WIPF3: variants seen among roughly 807,000 people sequenced by gnomAD.
The protein encoded by WIPF3 is WAS/WASL interacting protein family member 3, also known as WAS/WASL-interacting protein family member 3.
In WIPF3, 33 loss-of-function variants were observed where a neutral mutation model predicts 38.9. The observed-to-expected ratio is 0.85, with a 90% CI of 0.64 to 1.14. WIPF3 has a LOEUF of 1.14. Ranked by LOEUF, WIPF3 falls within the 50% of genes most tolerant of loss-of-function variation. WIPF3 has a pLI of 0.00. For missense variants in WIPF3, 711 were observed against 652.5 expected, an observed-to-expected ratio of 1.09 and a Z score of -0.98; for synonymous variants, 324 against 269.3, an observed-to-expected ratio of 1.20 and a Z score of -1.99.
chr7:29,902,145 C>T (rs913609775), intron 7 of WIPF3, among the ~76,000 whole-genome samples: 3 of 152,016 alleles, frequency 2.0e-5, no homozygotes, highest in Non-Finnish European at 4.4e-5. Context: ...ATTGCAGACC[C>T]CTGGCCTAGA....
At chr7:29,849,190 G>C (rs368226351) in intron 2 of WIPF3, among the ~76,000 whole-genome samples, 1 of 151,974 alleles carries the variant, frequency 6.6e-6, no homozygotes, top group Non-Finnish European at 1.5e-5. Context: ...GTGTTGTTTT[G>C]TTTTTAAGCT....
intron 1 of WIPF3, among the ~76,000 whole-genome samples, chr7:29,813,529 C>T (rs75736007): frequency 0.023 from 3,442 of 152,208 alleles, 65 homozygotes; most frequent in South Asian, 0.051. Context: ...TTTACTTGTC[C>T]GTAACTTATG....
chr7:29,822,996 T>C (rs1473293499), intron 1 of WIPF3, among the ~76,000 whole-genome samples: 1 of 152,212 alleles, frequency 6.6e-6, no homozygotes, highest in African/African-American at 2.4e-5. Flanking sequence ...AAAATTACAT[T>C]TGGAAAAACT....
intron 1 of WIPF3, among the ~76,000 whole-genome samples, chr7:29,829,994 C>T (rs962883452): frequency 8.5e-5 from 13 of 152,152 alleles, no homozygotes; most frequent in African/African-American, 3.1e-4. Context: ...GAACACAAAG[C>T]CTCGAAGAGC....
chr7:29,884,608 C>G lies in WIPF3; in HGVS notation c.1099+15C>G. ...TGGCCGACCAGGTAAGGAGCGCTGC[C>G]TGGCCCAGTGCCCCTGGTGGAGTGC... On this transcript the variant is annotated intron_variant, in intron 5 of 8. Coordinates refer to ENST00000242140, the MANE Select transcript of WIPF3 (RefSeq NM_001080529.3). 6.3e-7 allele frequency: 1 copy of G among 1,595,624 alleles called. No homozygotes were observed. Among genetic ancestry groups the G allele is most frequent in the Non-Finnish European group, 8.5e-7 (1 of 1,172,888 alleles).
intron 2 of WIPF3, among the ~76,000 whole-genome samples, chr7:29,847,542 T>C (rs1437367808): frequency 1.3e-5 from 2 of 152,010 alleles, no homozygotes; most frequent in Non-Finnish European, 2.9e-5. Flanking sequence ...TTGAACAGAG[T>C]ATTGACAGCC....
chr7:29,876,962 G>A (rs1200720531), intron 3 of WIPF3, among the ~76,000 whole-genome samples: 2 of 151,986 alleles, frequency 1.3e-5, no homozygotes, highest in Non-Finnish European at 2.9e-5. Context: ...GTCGATTGTT[G>A]AAAGTTGAAA....
chr7:29,815,967 C>G (rs1273344153), intron 1 of WIPF3, among the ~76,000 whole-genome samples: 2 of 152,198 alleles, frequency 1.3e-5, no homozygotes, highest in African/African-American at 2.4e-5. Flanking sequence ...GAGTCCTACT[C>G]TCGATGGCTC....
At chr7:29,840,460 A>C (rs1784896039) in intron 2 of WIPF3, among the ~76,000 whole-genome samples, 1 of 152,158 alleles carries the variant, frequency 6.6e-6, no homozygotes, top group South Asian at 2.1e-4. Flanking sequence ...TAACTTTTTT[A>C]AAAATTTGAC....
intron 1 of WIPF3, among the ~76,000 whole-genome samples, chr7:29,834,015 C>T (rs1784760940): frequency 1.3e-5 from 2 of 152,080 alleles, no homozygotes; most frequent in African/African-American, 2.4e-5. Flanking sequence ...AGAATCATGC[C>T]AAAAAGCCCC....
At chr7:29,831,378 T>C (rs551669199) in intron 1 of WIPF3, among the ~76,000 whole-genome samples, 1 of 152,286 alleles carries the variant, frequency 6.6e-6, no homozygotes, top group Non-Finnish European at 1.5e-5. Context: ...CTTTACTCAG[T>C]CTGCAGATTC....
In WIPF3 at chr7:29,884,264, T is replaced by TTA; in HGVS notation, c.770_771insTA (p.Pro258ThrfsTer117). On this transcript the variant is annotated frameshift_variant, in exon 5 of 9. Transcript: ENST00000242140. LOFTEE classifies it high-confidence loss of function. ...AAGCCTCAGCTGGCTCCCTTGCACC[T>TTA]CCCGCCCATCCCGCCCCCGCTCCCT... 1 of 1,315,278 alleles carries TTA rather than the reference T, an allele frequency of 7.6e-7. No homozygotes were observed. The highest frequency in any genetic ancestry group is 1.0e-6 in the Non-Finnish European group (1 of 992,702). The allele number at this position is 1,315,278 out of a possible 1,614,324, so 81.5% of individuals were successfully genotyped here.
intron 2 of WIPF3, among the ~76,000 whole-genome samples, chr7:29,875,459 G>T (rs1262623375): frequency 6.6e-6 from 1 of 152,114 alleles, no homozygotes; most frequent in African/African-American, 2.4e-5. Context: ...GGGGACCTGG[G>T]GCACCAAGCA....
chr7:29,812,111 T>G (rs1375826873), intron 1 of WIPF3, among the ~76,000 whole-genome samples: 1 of 152,232 alleles, frequency 6.6e-6, no homozygotes, highest in African/African-American at 2.4e-5. Flanking sequence ...CTGAAAATTT[T>G]TATTACCTAC....
chr7:29,874,748 C>T (rs1282040697), intron 2 of WIPF3, among the ~76,000 whole-genome samples: 2 of 152,156 alleles, frequency 1.3e-5, no homozygotes, highest in African/African-American at 4.8e-5. Flanking sequence ...TCTACTAACC[C>T]GTGGAAACCT....
At chr7:29,861,169 A>G (rs1387865609) in intron 2 of WIPF3, among the ~76,000 whole-genome samples, 1 of 152,122 alleles carries the variant, frequency 6.6e-6, no homozygotes, top group Non-Finnish European at 1.5e-5. Context: ...GAAGTAATAT[A>G]TGGAAGTGTC....
intron 8 of WIPF3, among the ~76,000 whole-genome samples, chr7:29,914,202 AT>A (rs1159618458): frequency 6.6e-6 from 1 of 151,760 alleles, no homozygotes; most frequent in Non-Finnish European, 1.5e-5. Context: ...CGTTTTTTTT[AT>A]TTCTCTGAGC....
At chr7:29,908,884 G>A (rs896113400) in intron 8 of WIPF3, among the ~76,000 whole-genome samples, 9 of 148,760 alleles carry the variant, frequency 6.1e-5, no homozygotes, top group African/African-American at 2.2e-4. Flanking sequence ...CTCTAGCCTG[G>A]GCAACAAGAG....
At chr7:29,900,898 A>G (rs149627831) in intron 7 of WIPF3, among the ~76,000 whole-genome samples, 229 of 152,344 alleles carry the variant, frequency 1.5e-3, no homozygotes, top group African/African-American at 4.4e-3. Context: ...TAGCTTAGTC[A>G]GACGGTGTTG....
Sources: gnomAD v4.1 joint callset for allele counts (sites outside exome capture counted in the v4.1 genomes callset) on GRCh38, gnomAD v4.1.1 for gene constraint, MANE v1.5 for transcripts, NCBI Gene and HGNC (gene_info 2026-07-23, HGNC 2026-07-21) for gene names.